FHAD1: variants seen among roughly 807,000 people sequenced by gnomAD.
FHAD1 encodes the protein forkhead associated phosphopeptide binding domain 1, also known as forkhead-associated domain-containing protein 1.
Under a neutral mutation model 191.3 loss-of-function variants are expected in FHAD1, and 146 were observed. The observed-to-expected ratio is 0.76, with a 90% confidence interval of 0.67 to 0.88. FHAD1 has a LOEUF of 0.88. Among genes scored for constraint, FHAD1 ranks in the 40% least tolerant of loss-of-function variants. The pLI, the probability that FHAD1 is intolerant of heterozygous loss-of-function variation, is 0.00. For synonymous variants in FHAD1, 616 were observed against 672.3 expected, an observed-to-expected ratio of 0.92 and a Z score of 1.29; for missense variants, 1,635 against 1,785.8, an observed-to-expected ratio of 0.92 and a Z score of 1.52.
At position 15,375,834 on chromosome 1, in the gene FHAD1, T is replaced by C; in HGVS notation, c.3705+104T>C. ...TGGCACAGCCATACATGTCAGTGGT[T>C]TGGGGCTGGCTGCTGTCTATACTCA... is the stretch of plus-strand genomic sequence containing the variant. On this transcript the variant is annotated intron_variant, in intron 28 of 33. Transcript: ENST00000688493. 3.9e-6 allele frequency: 5 copies of C among 1,288,536 alleles called. No homozygotes were observed. The South Asian group carries it at 8.1e-5, about 21-fold the overall frequency. The allele number at this position is 1,288,536 out of a possible 1,614,324, so 79.8% of individuals were successfully genotyped here.
intron 3 of FHAD1, among the ~76,000 whole-genome samples, chr1:15,273,260 CAA>C (rs138287184): frequency 6.1e-4 from 93 of 152,232 alleles, no homozygotes; most frequent in African/African-American, 2.2e-3. Context: ...AAATGCCCAT[CAA>C]AAGGGGCATT....
At chr1:15,294,321 T>C (rs1666170738) in intron 4 of FHAD1, among the ~76,000 whole-genome samples, 2 of 152,242 alleles carry the variant, frequency 1.3e-5, no homozygotes, top group South Asian at 4.1e-4. Context: ...AAGGACTTAC[T>C]TATTCTAGGT....
At chr1:15,294,773 G>A (rs545535575) in intron 4 of FHAD1, among the ~76,000 whole-genome samples, 1 of 152,140 alleles carries the variant, frequency 6.6e-6, no homozygotes, top group African/African-American at 2.4e-5. Flanking sequence ...TCCCACTCAA[G>A]CTGTGATACT....
Position 15,313,057 on chromosome 1 carries a change from G to T in FHAD1, c.1040G>T (p.Gly347Val), listed in dbSNP as rs1415886894. ...CCTCTGCGAGTCTTCTTTTTTACAG[G>T]GATGGTGTCATCTTTGCAAAAAGAC... is the stretch of plus-strand genomic sequence containing the variant. ...NLKRDNAITS[G>V]MVSSLQKDIL... is the part of the protein sequence containing the mutation. The change falls in exon 8 of 34, where the codon GGG becomes GTG. Residue 347 changes from glycine to valine, a missense_variant and splice_region_variant. Gly to Val is a moderately radical substitution (Grantham distance 109). Coordinates refer to ENST00000688493, the MANE Select transcript of FHAD1 (RefSeq NM_001391957.1). The T allele has an allele frequency of 6.4e-7, 1 of 1,551,562 alleles. No homozygotes were observed. The highest frequency in any genetic ancestry group is 1.2e-5 in the South Asian group (1 of 84,034).
chr1:15,308,897 T>C (rs1388106462), intron 7 of FHAD1, among the ~76,000 whole-genome samples, 161 bp downstream of exon 7: 1 of 152,210 alleles, frequency 6.6e-6, no homozygotes, highest in African/African-American at 2.4e-5. Context: ...TCCATGAATC[T>C]GAGTTCACCC....
chr1:15,381,501 C>A lies in FHAD1; in HGVS notation c.4022+50C>A. ...ACAGAAAGGCCCGGGCCTCCCTTCT[C>A]CTGGCTAAACTCAGGCTAGCAGCAG... On this transcript the variant is annotated intron_variant, in intron 30 of 33. Coordinates refer to ENST00000688493, the MANE Select transcript of FHAD1 (RefSeq NM_001391957.1). The surrounding 1 kb of genome is among the most constrained non-coding windows in gnomAD (Gnocchi z 4.6). 1 of 1,406,736 alleles carries A rather than the reference C, an allele frequency of 7.1e-7. No individual in the cohort carries two copies. Among genetic ancestry groups the A allele is most frequent in the East Asian group, 2.5e-5 (1 of 40,188 alleles). 87.1% of individuals were successfully genotyped at this position (1,406,736 alleles called of 1,614,324 possible).
Position 15,316,325 on chromosome 1 carries a change from CA to C in FHAD1, c.1171-51del, listed in dbSNP as rs1307738493. On this transcript the variant is annotated intron_variant, in intron 8 of 33. Transcript: ENST00000688493. The surrounding 1 kb of genome is among the most constrained non-coding windows in gnomAD (Gnocchi z 4.3). ...GCCTTGGAGCCCCTCCTTCCCCCGACAACCCTACCTGGCCAACGTTGGCCTC... is the reference window on the plus strand; with the variant it reads ...GCCTTGGAGCCCCTCCTTCCCCCGACACCCTACCTGGCCAACGTTGGCCTC... 2.2e-5 allele frequency: 32 copies of C among 1,457,764 alleles called. No homozygotes were observed. The East Asian group carries it at 7.9e-4, about 36-fold the overall frequency. The allele number at this position is 1,457,764 out of a possible 1,614,324, so 90.3% of individuals were successfully genotyped here. A position where few individuals can be genotyped will look rare whatever the true frequency, so the allele number is the denominator to read the frequency against.
chr1:15,376,345 C>G (rs560179305), intron 28 of FHAD1, among the ~76,000 whole-genome samples: 38 of 152,320 alleles, frequency 2.5e-4, no homozygotes, highest in African/African-American at 9.1e-4. Flanking sequence ...CCGCCTCGGC[C>G]TCCCAAAGTG....
intron 3 of FHAD1, among the ~76,000 whole-genome samples, chr1:15,285,763 C>T (rs1662214978): frequency 6.6e-6 from 1 of 152,140 alleles, no homozygotes; most frequent in Non-Finnish European, 1.5e-5. Flanking sequence ...TCTGTTTGTT[C>T]ATTATGCACA....
chr1:15,321,105 T>G (rs1177391754), intron 10 of FHAD1, among the ~76,000 whole-genome samples: 2 of 152,146 alleles, frequency 1.3e-5, no homozygotes, highest in Non-Finnish European at 2.9e-5. Context: ...CAGCTAAACT[T>G]GTATTTTTAG....
At chr1:15,274,407 C>T (rs1177118913) in intron 3 of FHAD1, among the ~76,000 whole-genome samples, 3 of 151,846 alleles carry the variant, frequency 2.0e-5, no homozygotes, top group Admixed American at 6.6e-5. Context: ...CAGGAGTTTG[C>T]GACCAGCCTG....
chr1:15,367,659 G>T (rs1171204375), intron 25 of FHAD1, 37 bp downstream of exon 25: 2 of 1,512,140 alleles, frequency 1.3e-6, no homozygotes, highest in South Asian at 1.2e-5. Flanking sequence ...GGGATGGTTT[G>T]CCTGCCGTGG....
intron 20 of FHAD1, 90 bp downstream of exon 20, chr1:15,353,074 CTCCCCA>C (rs1043610155): frequency 1.4e-4 from 127 of 919,830 alleles, no homozygotes; most frequent in Middle Eastern, 9.4e-4. Context: ...AATCCTACCT[CTCCCCA>C]TCCCTGGCTG....
At position 15,397,418 on chromosome 1, in the gene FHAD1, A is replaced by C; in HGVS notation, c.*5A>C. ...AAGCCCAGTGGAAAGTACTAGAGAAACCTCGTCCCACCAGGCCTCATGTGA... is the reference window on the plus strand; with the variant it reads ...AAGCCCAGTGGAAAGTACTAGAGAACCCTCGTCCCACCAGGCCTCATGTGA... On this transcript the variant is annotated 3_prime_UTR_variant, in exon 34 of 34. Transcript: ENST00000688493. 7.0e-7 allele frequency: 1 copy of C among 1,436,244 alleles called. No homozygotes were observed. The highest frequency in any genetic ancestry group is 9.5e-7 in the Non-Finnish European group (1 of 1,055,474). The allele number at this position is 1,436,244 out of a possible 1,614,324, so 89.0% of individuals were successfully genotyped here.
rs1406404696 is a variant in FHAD1, at chr1:15,363,940, A to C, written c.3047+1214A>C. The C allele has an allele frequency of 1.1e-5, 4 of 366,346 alleles. No homozygotes were observed. The Admixed American group carries it at 1.4e-4, about 13-fold the overall frequency. 22.7% of individuals were successfully genotyped at this position (366,346 alleles called of 1,614,324 possible). ...CCTAGTGACCGAAGTCTAATGTCAC[A>C]GGGTTTTTACCCCAAAAAGACAAGG... On this transcript the variant is annotated intron_variant, in intron 23 of 33. Transcript: ENST00000688493.
At chr1:15,362,394 C>CG (rs372663242) in intron 22 of FHAD1, among the ~76,000 whole-genome samples, 1 of 152,218 alleles carries the variant, frequency 6.6e-6, no homozygotes, top group African/African-American at 2.4e-5. Context: ...TCCATCACTC[C>CG]GGTGCCCCTT....
chr1:15,361,761 C>G (rs953046441), intron 22 of FHAD1, among the ~76,000 whole-genome samples: 1 of 151,696 alleles, frequency 6.6e-6, no homozygotes, highest in African/African-American at 2.4e-5. Context: ...AATCCCAGCA[C>G]TTCCGGAGGC....
At chr1:15,300,444 T>C (rs1359558084) in intron 5 of FHAD1, among the ~76,000 whole-genome samples, 1 of 152,242 alleles carries the variant, frequency 6.6e-6, no homozygotes. Flanking sequence ...GGGGAAAAGC[T>C]ATTTCAGAAT....
intron 16 of FHAD1, among the ~76,000 whole-genome samples, chr1:15,342,363 C>T (rs749900026): frequency 3.9e-5 from 6 of 152,196 alleles, no homozygotes; most frequent in African/African-American, 1.4e-4. Context: ...CTCGAACGTG[C>T]CCATGAATTG....
Sources: allele counts gnomAD v4.1 joint callset (sites outside exome capture counted in the v4.1 genomes callset), GRCh38; gene constraint gnomAD v4.1.1; non-coding constraint Gnocchi (gnomAD v3.1); transcripts MANE v1.5; gene names NCBI Gene and HGNC (gene_info 2026-07-23, HGNC 2026-07-21).